Variants in SUPT3H observed in about 807,000 individuals in gnomAD.
SUPT3H encodes the protein transcription initiation protein SPT3 homolog.
In SUPT3H, 44 loss-of-function variants were observed where a neutral mutation model predicts 44.3. The ratio of observed to expected loss-of-function variants is 0.99; its 90% CI spans 0.78 to 1.28. SUPT3H has a LOEUF of 1.28. Ranked by LOEUF, SUPT3H falls within the 50% of genes most tolerant of loss-of-function variation. SUPT3H has a pLI of 0.00. For missense variants in SUPT3H, 380 were observed against 387.1 expected (o/e 0.98, Z 0.15); for synonymous variants, 124 against 125.6 (o/e 0.99, Z 0.09).
In SUPT3H at chr6:45,361,516, G is replaced by A. The variant is rs1794257205; in HGVS notation, c.101+3685C>T. The A allele has an allele frequency of 2.0e-5, 3 of 152,222 alleles. No homozygotes were observed. The South Asian group carries it at 6.2e-4, about 32-fold the overall frequency. The allele number at this position is 152,222 out of a possible 1,614,324, so 9.4% of individuals were successfully genotyped here. A position where few individuals can be genotyped will look rare whatever the true frequency, so the allele number is the denominator to read the frequency against. On this transcript the variant is annotated intron_variant, in intron 2 of 10. Coordinates refer to ENST00000371459, the MANE Select transcript of SUPT3H (RefSeq NM_003599.4). ...CATTTAAATTAATTAAAATTCTTAA[G>A]AAGTTTGTTAAAATACCTGTAATGT...
chr6:44,933,805 G>C (rs1329128331), intron 9 of SUPT3H, among the ~76,000 whole-genome samples: 1 of 151,980 alleles, frequency 6.6e-6, no homozygotes, highest in Non-Finnish European at 1.5e-5. Context: ...CACCACATAT[G>C]GCTAAAAAAA....
At chr6:45,082,726 C>T (rs546985501) in intron 3 of SUPT3H, among the ~76,000 whole-genome samples, 7 of 152,254 alleles carry the variant, frequency 4.6e-5, no homozygotes, top group African/African-American at 1.7e-4. Flanking sequence ...AGTATGGATG[C>T]TCACTTTGAC....
At chr6:44,863,856 T>C (rs978253690) in intron 10 of SUPT3H, among the ~76,000 whole-genome samples, 1 of 152,112 alleles carries the variant, frequency 6.6e-6, no homozygotes, top group African/African-American at 2.4e-5. Context: ...AAGAGTCAAG[T>C]GGAACAGGTT....
At chr6:45,264,107 A>T (rs1774858171) in intron 2 of SUPT3H, among the ~76,000 whole-genome samples, 1 of 152,308 alleles carries the variant, frequency 6.6e-6, no homozygotes, top group African/African-American at 2.4e-5. Flanking sequence ...GAGAAGTAGA[A>T]ATCTATTAGC....
At chr6:44,978,935 T>A (rs546290425) in intron 6 of SUPT3H, among the ~76,000 whole-genome samples, 4 of 152,194 alleles carry the variant, frequency 2.6e-5, no homozygotes, top group African/African-American at 9.6e-5. Flanking sequence ...AATGAAAATA[T>A]GTCCTTGCCA....
intron 3 of SUPT3H, among the ~76,000 whole-genome samples, chr6:45,029,662 G>A (rs1246645504): frequency 1.3e-5 from 2 of 152,064 alleles, no homozygotes; most frequent in Non-Finnish European, 2.9e-5. Flanking sequence ...TTGAATGTAA[G>A]CAAAGGCACA....
At chr6:45,296,592 A>T (rs1227059502) in intron 2 of SUPT3H, among the ~76,000 whole-genome samples, 1 of 151,692 alleles carries the variant, frequency 6.6e-6, no homozygotes, top group African/African-American at 2.4e-5. Flanking sequence ...TATAAAAATT[A>T]GCGAGGCGTG....
chr6:45,157,548 T>C (rs997604899), intron 2 of SUPT3H, among the ~76,000 whole-genome samples: 2 of 151,550 alleles, frequency 1.3e-5, no homozygotes, highest in African/African-American at 4.8e-5. Context: ...AATATATATA[T>C]ACATATGTAT....
rs555226896 is a variant in SUPT3H, at chr6:44,913,746, C to T, written c.912+18907G>A. ...CACACATTCATCTAACAAATAGATG[C>T]GTCTTACTGTCCATATTATTCTGCT... On this transcript the variant is annotated intron_variant, in intron 10 of 10. Coordinates refer to ENST00000371459, the MANE Select transcript of SUPT3H (RefSeq NM_003599.4). 6.2e-4 allele frequency among the ~76,000 whole-genome samples: 95 copies of T among 152,244 alleles called. 1 individual carries two copies. Among genetic ancestry groups the T allele is most frequent in the African/African-American group, 1.8e-3 (75 of 41,536 alleles).
intron 2 of SUPT3H, among the ~76,000 whole-genome samples, chr6:45,230,525 T>C (rs1461729524): frequency 6.8e-6 from 1 of 147,990 alleles, no homozygotes; most frequent in Admixed American, 6.8e-5. Context: ...GTATATCTAC[T>C]TCTGCTCACT....
intron 3 of SUPT3H, among the ~76,000 whole-genome samples, chr6:45,073,950 T>C (rs1198498688): frequency 6.6e-6 from 1 of 151,976 alleles, no homozygotes; most frequent in Non-Finnish European, 1.5e-5. Context: ...CATCAATTTG[T>C]TGAAATGTTA....
intron 10 of SUPT3H, among the ~76,000 whole-genome samples, chr6:44,855,656 A>G (rs1010962853): frequency 1.4e-4 from 22 of 152,036 alleles, no homozygotes; most frequent in African/African-American, 5.3e-4. Flanking sequence ...CAACAGATAC[A>G]TCCATACATC....
At position 45,165,615 on chromosome 6, in the gene SUPT3H, T is replaced by C. The variant is rs185439140; in HGVS notation, c.102-59609A>G. On this transcript the variant is annotated intron_variant, in intron 2 of 10. Coordinates refer to ENST00000371459, the MANE Select transcript of SUPT3H (RefSeq NM_003599.4). ...AAGGTCCTAGTGGAAAAAGGCCCAA[T>C]ATGCAGAGAAGAAGGATTGCAAATG... is the stretch of plus-strand genomic sequence containing the variant. Among the ~76,000 whole-genome samples the C allele has an allele frequency of 5.3e-5, 8 of 152,184 alleles. No individual in the cohort carries two copies. In the East Asian group the frequency reaches 9.7e-4, roughly 18 times the overall value.
chr6:44,867,883 T>C (rs574174047), intron 10 of SUPT3H, among the ~76,000 whole-genome samples: 4 of 152,330 alleles, frequency 2.6e-5, no homozygotes, highest in Non-Finnish European at 5.9e-5. Flanking sequence ...CCATAAAGTA[T>C]GTTTGTTTGA....
chr6:44,839,826 C>T (rs1250996958), intron 10 of SUPT3H, among the ~76,000 whole-genome samples: 3 of 151,766 alleles, frequency 2.0e-5, no homozygotes, highest in African/African-American at 2.4e-5. Context: ...CTCAGCCTCC[C>T]GAGTAGCTGG....
At chr6:45,302,935 C>G (rs1782387025) in intron 2 of SUPT3H, among the ~76,000 whole-genome samples, 1 of 151,952 alleles carries the variant, frequency 6.6e-6, no homozygotes, top group South Asian at 2.1e-4. Context: ...GGCACAGGAC[C>G]AATGGAACAG....
At chr6:45,274,958 T>A (rs1776771445) in intron 2 of SUPT3H, among the ~76,000 whole-genome samples, 1 of 152,146 alleles carries the variant, frequency 6.6e-6, no homozygotes, top group African/African-American at 2.4e-5. Flanking sequence ...GATTTTTTTC[T>A]TTTTTTCTAT....
At chr6:45,014,628 C>T (rs574753810) in intron 5 of SUPT3H, among the ~76,000 whole-genome samples, 173 bp downstream of exon 5, 12 of 152,148 alleles carry the variant, frequency 7.9e-5, no homozygotes, top group South Asian at 6.2e-4. Flanking sequence ...ATAGGTAACA[C>T]GGTATAATAT....
chr6:44,892,046 C>T (rs781559379), intron 10 of SUPT3H, among the ~76,000 whole-genome samples: 1 of 151,946 alleles, frequency 6.6e-6, no homozygotes, highest in East Asian at 1.9e-4. Context: ...TTAGTATTTT[C>T]TTCCTTTTTA....
Sources: allele counts gnomAD v4.1 joint callset (sites outside exome capture counted in the v4.1 genomes callset), GRCh38; gene constraint gnomAD v4.1.1; transcripts MANE v1.5; gene names NCBI Gene and HGNC (gene_info 2026-07-23, HGNC 2026-07-21).